Variants in UMAD1 observed in about 807,000 individuals in gnomAD.
UMAD1 encodes the protein UBAP1-MVB12-associated (UMA)-domain containing protein 1.
A neutral mutation model predicts 6.1 loss-of-function variants in UMAD1; 8 were observed. The ratio of observed to expected loss-of-function variants is 1.30; its 90% CI spans 0.76 to 2.35. The LOEUF is 2.35. Ranked by LOEUF, UMAD1 falls within the 30% of genes most tolerant of loss-of-function variation. The probability of loss-of-function intolerance (pLI) is 0.00; values close to 1 mark genes in which losing one functional copy is unlikely to be tolerated. For missense variants in UMAD1, 130 were observed against 78.4 expected, an observed-to-expected ratio of 1.66 and a Z score of -2.49; for synonymous variants, 56 against 31.4, an observed-to-expected ratio of 1.78 and a Z score of -2.61.
intron 2 of UMAD1, among the ~76,000 whole-genome samples, chr7:7,721,015 C>G (rs1379400196): frequency 6.6e-6 from 1 of 152,098 alleles, no homozygotes; most frequent in East Asian, 1.9e-4. Flanking sequence ...CAGGGAGACA[C>G]AGAGGAGAAA....
intron 2 of UMAD1, among the ~76,000 whole-genome samples, chr7:7,780,875 C>G (rs12702650): frequency 0.47 from 71,497 of 151,938 alleles, 16,831 homozygotes; most frequent in Non-Finnish European, 0.5. Context: ...AATGTTAATT[C>G]CTATGTAATA....
At chr7:7,796,916 A>C (rs1782696390) in intron 2 of UMAD1, among the ~76,000 whole-genome samples, 1 of 152,084 alleles carries the variant, frequency 6.6e-6, no homozygotes, top group Non-Finnish European at 1.5e-5. Context: ...AGCTTTCTTC[A>C]TGTCTCCTCA....
chr7:7,803,703 T>C (rs573028809), intron 3 of UMAD1, among the ~76,000 whole-genome samples: 8 of 152,006 alleles, frequency 5.3e-5, no homozygotes, highest in African/African-American at 1.9e-4. Flanking sequence ...GAGGGCCCTT[T>C]TTTTTTTTGG....
At chr7:7,739,790 A>G (rs1563168162) in intron 2 of UMAD1, among the ~76,000 whole-genome samples, 1 of 152,248 alleles carries the variant, frequency 6.6e-6, no homozygotes, top group Non-Finnish European at 1.5e-5. Flanking sequence ...ATGATGACAG[A>G]TTCATGAAGA....
At chr7:7,674,952 G>A (rs992239813) in intron 2 of UMAD1, among the ~76,000 whole-genome samples, 31 of 151,944 alleles carry the variant, frequency 2.0e-4, no homozygotes, top group African/African-American at 7.5e-4. Context: ...AAATACCTCT[G>A]AAGTCTTAAC....
chr7:7,777,302 C>A (rs989110804), intron 2 of UMAD1, among the ~76,000 whole-genome samples: 1 of 151,542 alleles, frequency 6.6e-6, no homozygotes, highest in Non-Finnish European at 1.5e-5. Context: ...GCCAGGAGTT[C>A]AAGACCAGCC....
chr7:7,732,121 T>C (rs1563162709), intron 2 of UMAD1, among the ~76,000 whole-genome samples: 1 of 152,054 alleles, frequency 6.6e-6, no homozygotes, highest in African/African-American at 2.4e-5. Context: ...AAATTATTCT[T>C]GTTATTTAGT....
chr7:7,647,721 T>C (rs1319469592), intron 1 of UMAD1, among the ~76,000 whole-genome samples: 23 of 152,188 alleles, frequency 1.5e-4, no homozygotes, highest in Admixed American at 1.4e-3. Context: ...CTCAGCTTTC[T>C]GAGTAGCTGG....
At chr7:7,836,767 A>G (rs879615740) in intron 3 of UMAD1, among the ~76,000 whole-genome samples, 12 of 151,986 alleles carry the variant, frequency 7.9e-5, no homozygotes, top group Non-Finnish European at 1.3e-4. Context: ...GAGAGATTTT[A>G]TAGGCTAGAA....
intron 2 of UMAD1, among the ~76,000 whole-genome samples, chr7:7,728,960 C>T (rs1781195279): frequency 1.3e-5 from 2 of 152,316 alleles, no homozygotes; most frequent in South Asian, 4.1e-4. Flanking sequence ...ACAGACATTA[C>T]ATATACGACA....
At chr7:7,743,158 TTGGTCTGG>T (rs1306996268) in intron 2 of UMAD1, among the ~76,000 whole-genome samples, 11 of 152,198 alleles carry the variant, frequency 7.2e-5, no homozygotes, top group Non-Finnish European at 1.5e-4. Flanking sequence ...ACAATCAGTT[TTGGTCTGG>T]TGGTGCAGGA....
intron 1 of UMAD1, among the ~76,000 whole-genome samples, chr7:7,670,131 GTTGT>G (rs1779570028): frequency 6.6e-6 from 1 of 152,140 alleles, no homozygotes; most frequent in Non-Finnish European, 1.5e-5. Context: ...TTAAAAACAG[GTTGT>G]TTGTTTTCTT....
intron 3 of UMAD1, among the ~76,000 whole-genome samples, chr7:7,825,915 T>C (rs945730927): frequency 1.3e-5 from 2 of 152,168 alleles, no homozygotes; most frequent in East Asian, 1.9e-4. Context: ...ATGGGCACAG[T>C]ATATGCATAT....
intron 2 of UMAD1, among the ~76,000 whole-genome samples, chr7:7,681,509 A>G (rs367795355): frequency 9.2e-5 from 14 of 152,296 alleles, no homozygotes; most frequent in East Asian, 7.7e-4. Context: ...GGTGCCGAAT[A>G]AGAATAAGGG....
At chr7:7,723,177 A>G (rs1477930999) in intron 2 of UMAD1, among the ~76,000 whole-genome samples, 1 of 152,212 alleles carries the variant, frequency 6.6e-6, no homozygotes, top group Non-Finnish European at 1.5e-5. Flanking sequence ...GTGACCCATG[A>G]GGAGGTGTGC....
At chr7:7,677,320 G>A (rs1197021567) in intron 2 of UMAD1, among the ~76,000 whole-genome samples, 2 of 151,370 alleles carry the variant, frequency 1.3e-5, no homozygotes, top group African/African-American at 4.9e-5. Flanking sequence ...TCACCCTATT[G>A]TGCTACCAAA....
At chr7:7,861,371 C>T (rs1784112689) in intron 3 of UMAD1, among the ~76,000 whole-genome samples, 1 of 152,220 alleles carries the variant, frequency 6.6e-6, no homozygotes, top group Non-Finnish European at 1.5e-5. Context: ...ACTTCATCCT[C>T]ATACTGGGGT....
intron 2 of UMAD1, among the ~76,000 whole-genome samples, chr7:7,690,945 G>GT (rs1367529403): frequency 6.6e-6 from 1 of 152,134 alleles, no homozygotes; most frequent in Non-Finnish European, 1.5e-5. Context: ...ATATTTAAAT[G>GT]TTTTTTATCC....
intron 3 of UMAD1, among the ~76,000 whole-genome samples, chr7:7,803,555 TG>T (rs1782845823): frequency 6.6e-6 from 1 of 152,244 alleles, no homozygotes; most frequent in Non-Finnish European, 1.5e-5. Flanking sequence ...TGAGTTTCGT[TG>T]CTTAGTGTCT....
Sources: allele counts gnomAD v4.1 joint callset (sites outside exome capture counted in the v4.1 genomes callset), GRCh38; gene constraint gnomAD v4.1.1; transcripts MANE v1.5; gene names NCBI Gene and HGNC (gene_info 2026-07-23, HGNC 2026-07-21).